The following PBX1 variants were observed in gnomAD, a reference collection of about 807,000 sequenced individuals.
PBX1 encodes the protein pre-B-cell leukemia transcription factor 1.
In PBX1, 6 loss-of-function variants were observed where a neutral mutation model predicts 53.4. The ratio of observed to expected loss-of-function variants is 0.11; its 90% CI spans 0.06 to 0.22. The LOEUF (loss-of-function observed/expected upper bound fraction) is 0.22. PBX1 is among the 10% of genes least tolerant of loss of function. The probability of loss-of-function intolerance (pLI) is 1.00; values close to 1 mark genes in which losing one functional copy is unlikely to be tolerated. For synonymous variants in PBX1, 204 were observed against 212.3 expected (o/e 0.96, Z 0.34); for missense variants, 251 against 551.4 (o/e 0.46, Z 5.46).
intron 2 of PBX1, among the ~76,000 whole-genome samples, chr1:164,582,403 G>A (rs1206357688): frequency 1.3e-5 from 2 of 151,668 alleles, no homozygotes; most frequent in Non-Finnish European, 2.9e-5. Context: ...TGGACCCCAT[G>A]CAAAATTTCT....
In PBX1 at chr1:164,820,085, T is replaced by C; in HGVS notation, c.1011T>C (p.Ser337=). The part of the protein sequence containing the change: ...STPNSAGSSS[S]FNMSNSGDLF... ...TTTCCTTTCCAGGTTCTTCCAGTTC[T>C]TTTAACATGTCAAACTCTGGAGATT... is the stretch of plus-strand genomic sequence containing the variant. The change falls in exon 7 of 9, where the codon TCT becomes TCC. Residue 337 remains serine (S), a synonymous_variant. Transcript: ENST00000420696. The C allele has an allele frequency of 6.2e-7, 1 of 1,610,908 alleles. No individual in the cohort carries two copies. Among genetic ancestry groups the C allele is most frequent in the Non-Finnish European group, 8.5e-7 (1 of 1,177,362 alleles).
At chr1:164,606,445 ATTGT>A (rs1023009780) in intron 2 of PBX1, among the ~76,000 whole-genome samples, 1 of 152,088 alleles carries the variant, frequency 6.6e-6, no homozygotes, top group Admixed American at 6.5e-5. Context: ...AGCTACGAAA[ATTGT>A]TTGAACCTGG....
chr1:164,810,348 C>T (rs1298083195), intron 5 of PBX1, among the ~76,000 whole-genome samples: 1 of 152,062 alleles, frequency 6.6e-6, no homozygotes, highest in Non-Finnish European at 1.5e-5. Context: ...ATACATTGTC[C>T]AGATCATTGT....
intron 3 of PBX1, among the ~76,000 whole-genome samples, chr1:164,796,153 G>A (rs1479546328): frequency 2.6e-5 from 4 of 151,908 alleles, no homozygotes; most frequent in Non-Finnish European, 5.9e-5. Context: ...GGGAATACAG[G>A]CACGTGCCAC....
chr1:164,815,163 A>G (rs1190893406), intron 6 of PBX1: 3 of 152,242 alleles, frequency 2.0e-5, no homozygotes, highest in Non-Finnish European at 2.9e-5. Flanking sequence ...CTTAATTTCG[A>G]TGAGATTATA....
intron 8 of PBX1, among the ~76,000 whole-genome samples, chr1:164,839,981 A>G (rs1188029995): frequency 6.6e-6 from 1 of 151,978 alleles, no homozygotes; most frequent in Non-Finnish European, 1.5e-5. Flanking sequence ...GAGTTAATCC[A>G]AGCAGAGGAT....
chr1:164,829,958 AAAAG>A, intron 8 of PBX1: 1 of 152,222 alleles, frequency 6.6e-6, no homozygotes, highest in Non-Finnish European at 1.5e-5. Context: ...AAACTAAAAA[AAAAG>A]AAATATGGCT....
intron 2 of PBX1, among the ~76,000 whole-genome samples, chr1:164,697,793 G>A (rs1032377599): frequency 6.6e-6 from 1 of 152,100 alleles, no homozygotes. Flanking sequence ...CCTGATTGTG[G>A]TCTTCACATC....
chr1:164,845,702 G>T (rs1261440246), intron 8 of PBX1, among the ~76,000 whole-genome samples: 1 of 152,118 alleles, frequency 6.6e-6, no homozygotes, highest in Non-Finnish European at 1.5e-5. Flanking sequence ...CAGTTTTATT[G>T]TTGGGATGCT....
At chr1:164,792,829 A>C (rs918529673) in intron 3 of PBX1, 91 bp downstream of exon 3, 23 of 989,230 alleles carry the variant, frequency 2.3e-5, no homozygotes, top group Non-Finnish European at 3.4e-5. Flanking sequence ...GGAGCGGCTC[A>C]CCTTTCCCAG....
At chr1:164,788,709 G>A (rs1476606876) in intron 2 of PBX1, among the ~76,000 whole-genome samples, 2 of 151,832 alleles carry the variant, frequency 1.3e-5, no homozygotes, top group Non-Finnish European at 1.5e-5. Context: ...TTTAAAGGGT[G>A]TAATTTGGAA....
chr1:164,639,161 A>G (rs1453594747), intron 2 of PBX1, among the ~76,000 whole-genome samples: 2 of 152,238 alleles, frequency 1.3e-5, no homozygotes, highest in African/African-American at 4.8e-5. Flanking sequence ...AAAGGTTAAA[A>G]GAGGCGCTAG....
At chr1:164,759,341 C>G (rs1173697424) in intron 2 of PBX1, among the ~76,000 whole-genome samples, 1 of 152,070 alleles carries the variant, frequency 6.6e-6, no homozygotes, top group Non-Finnish European at 1.5e-5. Flanking sequence ...ATTCCAAGCT[C>G]TGCCCTTATG....
intron 2 of PBX1, among the ~76,000 whole-genome samples, chr1:164,700,004 G>T (rs1261610309): frequency 6.6e-6 from 1 of 152,160 alleles, no homozygotes; most frequent in African/African-American, 2.4e-5. Flanking sequence ...GAGAGCCAGG[G>T]TGCTCATGGG....
At position 164,754,879 on chromosome 1, in the gene PBX1, G is replaced by A. The variant is rs57060767; in HGVS notation, c.266-37615G>A. The stretch of plus-strand genomic sequence containing the variant: ...AAGCTTAAAATAATGAACTTGTTTT[G>A]TCTTTATCTTTGTAATCAATAAAAT... On this transcript the variant is annotated intron_variant, in intron 2 of 8. Coordinates refer to ENST00000420696, the MANE Select transcript of PBX1 (RefSeq NM_002585.4). 2.0e-5 allele frequency among the ~76,000 whole-genome samples: 3 copies of A among 152,078 alleles called. No homozygotes were observed. The East Asian group carries it at 5.8e-4, about 29-fold the overall frequency.
chr1:164,839,128 C>G (rs568151513), intron 8 of PBX1, among the ~76,000 whole-genome samples: 48 of 152,282 alleles, frequency 3.2e-4, no homozygotes, highest in African/African-American at 1.1e-3. Context: ...CTTGGCTTGT[C>G]TGTTTTCTGT....
chr1:164,750,513 T>C (rs1014959528), intron 2 of PBX1, among the ~76,000 whole-genome samples: 2 of 151,986 alleles, frequency 1.3e-5, no homozygotes, highest in Non-Finnish European at 2.9e-5. Context: ...AATAGACCCA[T>C]AGTTGGTGTC....
chr1:164,602,007 G>A (rs1028794424), intron 2 of PBX1, among the ~76,000 whole-genome samples: 1 of 152,130 alleles, frequency 6.6e-6, no homozygotes, highest in East Asian at 1.9e-4. Context: ...ATGTTAATCC[G>A]TTTAGATAAA....
intron 2 of PBX1, among the ~76,000 whole-genome samples, chr1:164,738,140 C>T (rs533598967): frequency 6.5e-4 from 99 of 152,110 alleles, no homozygotes; most frequent in Non-Finnish European, 1.1e-3. Flanking sequence ...CAATGTGTTT[C>T]TTCGTTCATC....
Sources: gnomAD v4.1 joint callset for allele counts (sites outside exome capture counted in the v4.1 genomes callset) on GRCh38, gnomAD v4.1.1 for gene constraint, MANE v1.5 for transcripts, NCBI Gene and HGNC (gene_info 2026-07-23, HGNC 2026-07-21) for gene names.